The following MAPK8 variants were observed in gnomAD, a reference collection of about 807,000 sequenced individuals.
The protein encoded by MAPK8 is mitogen-activated protein kinase 8, also known as JUN N-terminal kinase.
In MAPK8, 13 loss-of-function variants were observed where a neutral mutation model predicts 52.9. The observed-to-expected ratio is 0.25, with a 90% CI of 0.16 to 0.39. MAPK8 has a LOEUF of 0.39. Ranked by LOEUF, MAPK8 falls within the 10% of genes least tolerant of loss-of-function variation. MAPK8 has a pLI of 1.00. For synonymous variants in MAPK8, 191 were observed against 169.8 expected (o/e 1.12, Z -0.97); for missense variants, 300 against 519.2 (o/e 0.58, Z 4.10).
intron 1 of MAPK8, among the ~76,000 whole-genome samples, chr10:48,386,773 G>T (rs2041337391): frequency 6.6e-6 from 1 of 152,090 alleles, no homozygotes; most frequent in African/African-American, 2.4e-5. Context: ...AAGGCCAGTG[G>T]GCCATATAGC....
intron 1 of MAPK8, among the ~76,000 whole-genome samples, chr10:48,348,061 G>T (rs1472812721): frequency 1.3e-5 from 2 of 152,160 alleles, no homozygotes; most frequent in African/African-American, 2.4e-5. Flanking sequence ...AGCATCTGTT[G>T]TTTCCTGACT....
rs1162522394 is a variant in MAPK8 at position 48,425,510 on chromosome 10, A to T, written c.689-378A>T. On this transcript the variant is annotated intron_variant, in intron 7 of 11. Coordinates refer to ENST00000374189, the MANE Select transcript of MAPK8 (RefSeq NM_001323329.2). The stretch of plus-strand genomic sequence containing the variant: ...CTAGGAGATATAATCATGTTTTCTG[A>T]TAAATTGACAGAAAAGGAAAAATTT... 5 of 342,344 alleles carry T rather than the reference A, an allele frequency of 1.5e-5. No individual in the cohort carries two copies. In the East Asian group the frequency reaches 2.4e-4, roughly 16 times the overall value. 21.2% of individuals were successfully genotyped at this position (342,344 alleles called of 1,614,324 possible).
At chr10:48,351,095 C>T (rs1383361505) in intron 1 of MAPK8, among the ~76,000 whole-genome samples, 1 of 152,000 alleles carries the variant, frequency 6.6e-6, no homozygotes, top group Non-Finnish European at 1.5e-5. Flanking sequence ...GAACTGCCAG[C>T]CACTGCTCAA....
intron 2 of MAPK8, among the ~76,000 whole-genome samples, chr10:48,403,787 C>T (rs2042288192): frequency 1.3e-5 from 2 of 151,454 alleles, no homozygotes; most frequent in South Asian, 2.1e-4. Context: ...CTCACTCTGT[C>T]GCCCAGGCTA....
chr10:48,397,194 G>A (rs2041930723), intron 1 of MAPK8, among the ~76,000 whole-genome samples: 1 of 151,658 alleles, frequency 6.6e-6, no homozygotes, highest in African/African-American at 2.4e-5. Flanking sequence ...TGTTGCCCAG[G>A]ATAGCATGCA....
chr10:48,372,614 A>G (rs1420295464), intron 1 of MAPK8, among the ~76,000 whole-genome samples: 1 of 152,114 alleles, frequency 6.6e-6, no homozygotes, highest in Non-Finnish European at 1.5e-5. Flanking sequence ...CAAGTGGAAG[A>G]AAGGATATCA....
intron 1 of MAPK8, among the ~76,000 whole-genome samples, chr10:48,367,863 G>T (rs938402424): frequency 6.6e-6 from 1 of 152,154 alleles, no homozygotes; most frequent in Non-Finnish European, 1.5e-5. Context: ...GGGGACAGAG[G>T]CATCAAGGCA....
intron 1 of MAPK8, among the ~76,000 whole-genome samples, chr10:48,397,247 G>A (rs1362672095): frequency 6.6e-6 from 1 of 151,646 alleles, no homozygotes; most frequent in Non-Finnish European, 1.5e-5. Context: ...CTCCTGGGCT[G>A]AAGTGATCCT....
intron 1 of MAPK8, among the ~76,000 whole-genome samples, chr10:48,357,033 G>C (rs1050047424): frequency 6.6e-6 from 1 of 151,830 alleles, no homozygotes; most frequent in African/African-American, 2.4e-5. Context: ...GTAACACTTC[G>C]ATGGGAAAAT....
intron 1 of MAPK8, among the ~76,000 whole-genome samples, chr10:48,395,088 A>G (rs1344451460): frequency 2.0e-5 from 3 of 152,010 alleles, no homozygotes; most frequent in Non-Finnish European, 4.4e-5. Context: ...TTTCTCCCCA[A>G]ATTGATGTAT....
At chr10:48,310,267 C>T (rs2132056507) in intron 1 of MAPK8, among the ~76,000 whole-genome samples, 1 of 152,224 alleles carries the variant, frequency 6.6e-6, no homozygotes, top group East Asian at 1.9e-4. Context: ...AGGCTTGTTC[C>T]TCAGATAGGT....
intron 11 of MAPK8, 42 bp downstream of exon 11, chr10:48,431,312 CT>C: frequency 7.3e-7 from 1 of 1,363,346 alleles, no homozygotes; most frequent in Non-Finnish European, 1.0e-6. Context: ...CAGTTTACTT[CT>C]TGTGTTGTAA....
At chr10:48,326,033 C>CT (rs1302757727) in intron 1 of MAPK8, 1 of 152,182 alleles carries the variant, frequency 6.6e-6, no homozygotes, top group East Asian at 1.9e-4. Flanking sequence ...TAATGTTTGT[C>CT]TGATTTTTCC....
chr10:48,308,006 C>T (rs940386528), intron 1 of MAPK8: 3 of 152,188 alleles, frequency 2.0e-5, no homozygotes, highest in African/African-American at 7.2e-5. Flanking sequence ...AGCAGTATAT[C>T]TGGAAGTTCA....
chr10:48,312,262 G>GGGTATCAAAATAAGTATAT (rs1842049275), intron 1 of MAPK8, among the ~76,000 whole-genome samples: 1 of 152,204 alleles, frequency 6.6e-6, no homozygotes, highest in Non-Finnish European at 1.5e-5. Flanking sequence ...GAATACAACA[G>GGGTATCAAAATAAGTATAT]GGTATCAAAA....
At chr10:48,420,488 T>G (rs1394434058) in intron 6 of MAPK8, among the ~76,000 whole-genome samples, 168 bp downstream of exon 6, 1 of 152,182 alleles carries the variant, frequency 6.6e-6, no homozygotes, top group African/African-American at 2.4e-5. Flanking sequence ...TCATCAATGT[T>G]TGGAAAAACT....
chr10:48,412,371 A>G lies in MAPK8; in HGVS notation c.450+2203A>G, dbSNP rs2042804941. ...TTAGTATTCATTCAGCAGCTTGGAT[A>G]TGTAGATTCATGTCTTTTTTGATCA... On this transcript the variant is annotated intron_variant, in intron 5 of 11. Coordinates refer to ENST00000374189, the MANE Select transcript of MAPK8 (RefSeq NM_001323329.2). Among the ~76,000 whole-genome samples the G allele has an allele frequency of 2.0e-5, 3 of 152,202 alleles. No individual in the cohort carries two copies. In the South Asian group the frequency reaches 6.2e-4, roughly 31 times the overall value.
In MAPK8 at chr10:48,401,605, C is replaced by T; in HGVS notation, c.-49-7C>T. On this transcript the variant is annotated splice_region_variant and splice_polypyrimidine_tract_variant and intron_variant, in intron 1 of 11. Coordinates refer to ENST00000374189, the MANE Select transcript of MAPK8 (RefSeq NM_001323329.2). ...TTGTTAACATCATGTTTTGTTGCAT[C>T]TTGCAGCTTCTTGGTGAATTTTTGG... 1.3e-6 allele frequency: 2 copies of T among 1,588,280 alleles called. No individual in the cohort carries two copies. The highest frequency in any genetic ancestry group is 1.7e-6 in the Non-Finnish European group (2 of 1,166,562).
chr10:48,366,457 C>A (rs1848051543), intron 1 of MAPK8, among the ~76,000 whole-genome samples: 1 of 152,064 alleles, frequency 6.6e-6, no homozygotes, highest in Non-Finnish European at 1.5e-5. Context: ...CTTATTTGGG[C>A]ATAATCTAGC....
Sources: gnomAD v4.1 joint callset for allele counts (sites outside exome capture counted in the v4.1 genomes callset) on GRCh38, gnomAD v4.1.1 for gene constraint, MANE v1.5 for transcripts, NCBI Gene and HGNC (gene_info 2026-07-23, HGNC 2026-07-21) for gene names.